Variants in RIOK1 observed in about 807,000 individuals in gnomAD.
RIOK1 encodes RIO kinase 1.
Under a neutral mutation model 73.5 loss-of-function variants are expected in RIOK1, and 66 were observed. The ratio of observed to expected loss-of-function variants is 0.90; its 90% CI spans 0.74 to 1.10. The LOEUF (loss-of-function observed/expected upper bound fraction) is 1.10. RIOK1 is among the 50% of genes least tolerant of loss of function. RIOK1 has a pLI of 0.00. For synonymous variants in RIOK1, 224 were observed against 226.8 expected, an observed-to-expected ratio of 0.99 and a Z score of 0.11; for missense variants, 658 against 699.8, an observed-to-expected ratio of 0.94 and a Z score of 0.67.
chr6:7,398,599 A>G (rs2296359), intron 4 of RIOK1, 99 bp from the exon 5 acceptor site: 442,036 of 841,076 alleles, frequency 0.53, 121,498 homozygotes, highest in South Asian at 0.59. Flanking sequence ...TAGAGAAACT[A>G]CCTACTTAGG....
At chr6:7,410,975 C>G (rs1464245100) in intron 13 of RIOK1, among the ~76,000 whole-genome samples, 1 of 152,166 alleles carries the variant, frequency 6.6e-6, no homozygotes, top group East Asian at 1.9e-4. Flanking sequence ...TAAGGCATAG[C>G]CAGGCAGCGC....
In RIOK1 at chr6:7,405,237, T is replaced by C; in HGVS notation, c.1097-12T>C. ...TCATAAAAGCTGTCATTAACGTTTT[T>C]CCTTCTGACAGATTTCTTTATGAGG... On this transcript the variant is annotated splice_polypyrimidine_tract_variant and intron_variant, in intron 11 of 16. Transcript: ENST00000379834. The C allele has an allele frequency of 6.4e-7, 1 of 1,562,666 alleles. No homozygotes were observed. Among genetic ancestry groups the C allele is most frequent in the Non-Finnish European group, 8.8e-7 (1 of 1,135,970 alleles).
At chr6:7,403,886 AT>A (rs1045398866) in intron 8 of RIOK1, 54 bp from the exon 9 acceptor site, 134 of 1,233,286 alleles carry the variant, frequency 1.1e-4, no homozygotes, top group Non-Finnish European at 1.5e-4. Context: ...GTTGTAATTT[AT>A]TTAGATGCCT....
intron 3 of RIOK1, among the ~76,000 whole-genome samples, chr6:7,396,209 G>A (rs1761469592): frequency 1.3e-5 from 2 of 152,004 alleles, no homozygotes; most frequent in South Asian, 4.1e-4. Flanking sequence ...AAGGAAGGAA[G>A]GCCATCTTTC....
intron 4 of RIOK1, among the ~76,000 whole-genome samples, chr6:7,397,308 C>T (rs1383722781): frequency 6.6e-6 from 1 of 152,086 alleles, no homozygotes; most frequent in Non-Finnish European, 1.5e-5. Context: ...TTAAGAAATA[C>T]ATGGTAAAAG....
chr6:7,400,970 A>G lies in RIOK1; in HGVS notation c.493A>G (p.Arg165Gly). Reference protein sequence around the residue: ...RATVEQVLDPRTRMILFKMLT... With the variant: ...RATVEQVLDPGTRMILFKMLT... ...CATTTCTTTTTAGGTGTTGGATCCC[A>G]GAACAAGAATGATTTTATTCAAGAT... Residue 165 changes from arginine (R) to glycine (G), a missense_variant, in exon 6 of 17, where the codon AGA becomes GGA. Coordinates refer to ENST00000379834, the MANE Select transcript of RIOK1 (RefSeq NM_031480.3). 3 of 1,607,660 alleles carry G rather than the reference A, an allele frequency of 1.9e-6. No individual in the cohort carries two copies. Among genetic ancestry groups the G allele is most frequent in the Non-Finnish European group, 2.6e-6 (3 of 1,176,124 alleles).
intron 6 of RIOK1, among the ~76,000 whole-genome samples, chr6:7,401,926 G>A (rs959743308): frequency 3.3e-5 from 5 of 152,044 alleles, no homozygotes; most frequent in African/African-American, 4.8e-5. Flanking sequence ...TGATTCACCC[G>A]CCTTGGCCTC....
intron 16 of RIOK1, among the ~76,000 whole-genome samples, chr6:7,415,535 C>A (rs753661242): frequency 1.3e-5 from 2 of 152,144 alleles, no homozygotes; most frequent in African/African-American, 2.4e-5. Context: ...AAACTTAGGA[C>A]CATAGCATGT....
rs765093225 is a variant in RIOK1, at chr6:7,393,265, G to T, written c.238G>T (p.Ala80Ser). ...WDWDEGVGKL[A>S]KGYVWNGGSN... ...CTGGGATGAAGGAGTTGGAAAACTC[G>T]CCAAGGGTTATGTCTGGAATGGAGG... The change falls in exon 2 of 17, where the codon GCC (alanine) becomes TCC (serine). Residue 80 changes from alanine to serine, a missense_variant. Ala to Ser is a moderately conservative substitution (Grantham distance 99). Coordinates refer to ENST00000379834, the MANE Select transcript of RIOK1 (RefSeq NM_031480.3). 1.4e-5 allele frequency: 22 copies of T among 1,613,948 alleles called. No homozygotes were observed. The highest frequency in any genetic ancestry group is 1.8e-5 in the Non-Finnish European group (21 of 1,180,000).
chr6:7,400,563 A>G (rs967012001), intron 5 of RIOK1, among the ~76,000 whole-genome samples: 3 of 152,242 alleles, frequency 2.0e-5, no homozygotes, highest in African/African-American at 7.2e-5. Context: ...CGTTTTAGAT[A>G]TTTTGAGTTA....
At chr6:7,401,125 A>G in intron 6 of RIOK1, 75 bp downstream of exon 6, 2 of 909,936 alleles carry the variant, frequency 2.2e-6, no homozygotes, top group Non-Finnish European at 3.5e-6. Context: ...ACTTAGAACT[A>G]CATTATGCCT....
chr6:7,391,733 GTAGAGGCCAGAGATATGCTGC>G (rs1052537889), intron 1 of RIOK1, among the ~76,000 whole-genome samples: 13 of 152,198 alleles, frequency 8.5e-5, no homozygotes, highest in African/African-American at 3.1e-4. Context: ...CATCTGGTAA[GTAGAGGCCAGAGATATGCTGC>G]TAAAAATCCT....
At position 7,412,901 on chromosome 6, in the gene RIOK1, A is replaced by C; in HGVS notation, c.1402A>C (p.Thr468Pro). ...TTTTGGTTATAAGATTCTATACCAG[A>C]CTGTTACAGGATTGAAGAAAGATTT... ...NAQQDNILYQ[T>P]VTGLKKDLSG... Residue 468 changes from threonine (T) to proline (P), a missense_variant, in exon 15 of 17, where the codon ACT becomes CCT. Thr to Pro is a conservative substitution (Grantham distance 38). Coordinates refer to ENST00000379834, the MANE Select transcript of RIOK1 (RefSeq NM_031480.3). The C allele has an allele frequency of 6.5e-7, 1 of 1,545,274 alleles. No homozygotes were observed. The highest frequency in any genetic ancestry group is 1.2e-5 in the South Asian group (1 of 81,102).
rs1761875466 is a variant in RIOK1, at chr6:7,411,231, A to G, written c.1270-101A>G. On this transcript the variant is annotated intron_variant, in intron 13 of 16. Coordinates refer to ENST00000379834, the MANE Select transcript of RIOK1 (RefSeq NM_031480.3). ...AGCCAAGCATCAGTGTTAGGGATGA[A>G]TGAATATATAGATTCCCCTGTAACC... The G allele has an allele frequency of 3.9e-6, 5 of 1,282,936 alleles. No homozygotes were observed. In the Admixed American group the frequency reaches 9.7e-5, roughly 25 times the overall value. The allele number at this position is 1,282,936 out of a possible 1,614,324, so 79.5% of individuals were successfully genotyped here. A position where few individuals can be genotyped will look rare whatever the true frequency, so the allele number is the denominator to read the frequency against.
At chr6:7,411,488 C>A in intron 14 of RIOK1, 37 bp downstream of exon 14, 1 of 1,611,738 alleles carries the variant, frequency 6.2e-7, no homozygotes, top group South Asian at 1.1e-5. Flanking sequence ...AGCAGCTCTT[C>A]AAAAGTAGTA....
chr6:7,415,608 C>T (rs1379298899), intron 16 of RIOK1, among the ~76,000 whole-genome samples: 2 of 152,194 alleles, frequency 1.3e-5, no homozygotes, highest in African/African-American at 2.4e-5. Flanking sequence ...TAAACAAAAA[C>T]ATCTTCCAGT....
chr6:7,402,878 GA>G lies in RIOK1; in HGVS notation c.751del (p.Met251Ter). 6.2e-7 allele frequency: 1 copy of G among 1,613,974 alleles called. No individual in the cohort carries two copies. The highest frequency in any genetic ancestry group is 8.5e-7 in the Non-Finnish European group (1 of 1,179,864). ...AATGGTGAAAACTTGGGCAGAAAAA[GA>G]AATGAGGAACTTAATCAGGTGACTG... ...RKMVKTWAEK[E>X]MRNLIRLNTA... On this transcript the variant is annotated frameshift_variant, in exon 8 of 17. Transcript: ENST00000379834. LOFTEE classifies it high-confidence loss of function.
At position 7,406,293 on chromosome 6, in the gene RIOK1, G is replaced by T. The variant is rs185594841; in HGVS notation, c.1203+938G>T. On this transcript the variant is annotated intron_variant, in intron 12 of 16. Transcript: ENST00000379834. ...ATTACAGGTGTGAGCCACGACGCCC[G>T]GCCTCAGAGGCCTTTCTGAATATAG... Among the ~76,000 whole-genome samples, 539 of 152,200 alleles carry T rather than the reference G, an allele frequency of 3.5e-3. 1 individual carries two copies. The highest frequency in any genetic ancestry group is 6.4e-3 in the Non-Finnish European group (436 of 67,974).
intron 16 of RIOK1, among the ~76,000 whole-genome samples, chr6:7,415,077 G>C (rs193081714): frequency 2.0e-5 from 3 of 152,284 alleles, no homozygotes; most frequent in Admixed American, 2.0e-4. Flanking sequence ...AATTACAGGA[G>C]TAGTGATGTT....
Sources: allele counts gnomAD v4.1 joint callset (sites outside exome capture counted in the v4.1 genomes callset), GRCh38; gene constraint gnomAD v4.1.1; transcripts MANE v1.5; gene names NCBI Gene and HGNC (gene_info 2026-07-23, HGNC 2026-07-21).